The following MTMR14 variants were observed in gnomAD, a reference collection of about 807,000 sequenced individuals.
MTMR14 encodes the protein myotubularin related protein 14.
MTMR14 carries 48 observed loss-of-function variants against 86.3 expected under a neutral mutation model. The ratio of observed to expected loss-of-function variants is 0.56; its 90% CI spans 0.44 to 0.71. The LOEUF (loss-of-function observed/expected upper bound fraction) is 0.71. MTMR14 is among the 30% of genes least tolerant of loss of function. MTMR14 has a pLI of 0.00. For synonymous variants in MTMR14, 366 were observed against 326.1 expected (o/e 1.12, Z -1.32); for missense variants, 780 against 834.6 (o/e 0.93, Z 0.81).
chr3:9,673,149 A>G (rs2125150083), intron 7 of MTMR14, among the ~76,000 whole-genome samples: 1 of 152,370 alleles, frequency 6.6e-6, no homozygotes, highest in East Asian at 1.9e-4. Flanking sequence ...TGTGTGAGCA[A>G]CTACACTTGC....
chr3:9,685,344 G>T lies in MTMR14; in HGVS notation c.1164+97G>T, dbSNP rs1007535219. On this transcript the variant is annotated intron_variant, in intron 13 of 18. Coordinates refer to ENST00000296003, the MANE Select transcript of MTMR14 (RefSeq NM_001077525.3). ...TTCCACGTGTTAGGGGCAGCTCCTTGCCCCAGGTGTGCAGGGATGTGGCCC... is the reference window on the plus strand; with the variant it reads ...TTCCACGTGTTAGGGGCAGCTCCTTTCCCCAGGTGTGCAGGGATGTGGCCC... The T allele has an allele frequency of 4.7e-6, 7 of 1,475,852 alleles. No homozygotes were observed. The African/African-American group carries it at 6.9e-5, about 15-fold the overall frequency. 91.4% of individuals were successfully genotyped at this position (1,475,852 alleles called of 1,614,324 possible). A position where few individuals can be genotyped will look rare whatever the true frequency, so the allele number is the denominator to read the frequency against.
At chr3:9,683,285 T>A in intron 10 of MTMR14, 41 bp downstream of exon 10, 1 of 1,579,134 alleles carries the variant, frequency 6.3e-7, no homozygotes, top group Non-Finnish European at 8.7e-7. Flanking sequence ...CACTGCACCC[T>A]TGGGGAGTTC....
chr3:9,701,647 A>C lies in MTMR14; in HGVS notation c.1770-143A>C. 1.0e-6 allele frequency: 1 copy of C among 986,386 alleles called. No individual in the cohort carries two copies. Among genetic ancestry groups the C allele is most frequent in the Non-Finnish European group, 1.6e-6 (1 of 641,530 alleles). The allele number at this position is 986,386 out of a possible 1,614,324, so 61.1% of individuals were successfully genotyped here. On this transcript the variant is annotated intron_variant, in intron 18 of 18. Coordinates refer to ENST00000296003, the MANE Select transcript of MTMR14 (RefSeq NM_001077525.3). The surrounding 1 kb of genome is among the most constrained non-coding windows in gnomAD (Gnocchi z 4.2). ...CCAGATATTTGGGGCCTGAACCACA[A>C]GGATAGCATGGCCGTAGGACAGACA... is the stretch of plus-strand genomic sequence containing the variant.
Position 9,662,691 on chromosome 3 carries a change from A to G in MTMR14, c.417+316A>G, listed in dbSNP as rs183430676. On this transcript the variant is annotated intron_variant, in intron 3 of 18. Coordinates refer to ENST00000296003, the MANE Select transcript of MTMR14 (RefSeq NM_001077525.3). ...TATAAATTAAGAATAATAATCACCTATTTCAAAGGTTTGTGGATTAGATTA... is the reference window on the plus strand; with the variant it reads ...TATAAATTAAGAATAATAATCACCTGTTTCAAAGGTTTGTGGATTAGATTA... 1.1e-4 allele frequency among the ~76,000 whole-genome samples: 16 copies of G among 152,258 alleles called. No homozygotes were observed. The East Asian group carries it at 3.1e-3, about 29-fold the overall frequency.
chr3:9,660,812 C>T (rs570957663), intron 2 of MTMR14, among the ~76,000 whole-genome samples: 29 of 152,268 alleles, frequency 1.9e-4, no homozygotes, highest in African/African-American at 7.0e-4. Flanking sequence ...AAGGAAGGAA[C>T]ATGAGTATTT....
At chr3:9,652,729 G>A (rs988197203) in intron 1 of MTMR14, among the ~76,000 whole-genome samples, 3 of 151,570 alleles carry the variant, frequency 2.0e-5, no homozygotes, top group Non-Finnish European at 4.4e-5. Context: ...GAAGAGGCCA[G>A]GCATGGTGGC....
intron 3 of MTMR14, among the ~76,000 whole-genome samples, chr3:9,667,389 T>C (rs1169093818): frequency 6.6e-6 from 1 of 152,156 alleles, no homozygotes; most frequent in Non-Finnish European, 1.5e-5. Context: ...TCAGTGGACT[T>C]GAGAGAGTCC....
rs1207206334 is a variant in MTMR14 at position 9,688,743 on chromosome 3, T to G, written c.1283T>G (p.Ile428Ser). 6.2e-7 allele frequency: 1 copy of G among 1,614,012 alleles called. No individual in the cohort carries two copies. The highest frequency in any genetic ancestry group is 1.7e-5 in the Admixed American group (1 of 60,004). The change falls in exon 15 of 19, where the codon ATC becomes AGC. Residue 428 changes from isoleucine (I) to serine (S), a missense_variant. Coordinates refer to ENST00000296003, the MANE Select transcript of MTMR14 (RefSeq NM_001077525.3). ...GATGGAGGCTTCACCCTGGAAGACA[T>G]CTGCATGCTGAGTGAGTCCTGGGCC... is the stretch of plus-strand genomic sequence containing the variant. The part of the protein sequence containing the change: ...ARDGGFTLED[I>S]CMLRRKDRGS...
chr3:9,687,799 G>T (rs781648991), intron 13 of MTMR14, 22 bp from the exon 14 acceptor site: 28 of 1,559,052 alleles, frequency 1.8e-5, no homozygotes, highest in Non-Finnish European at 2.3e-5. Context: ...CTCATTGTGC[G>T]CTGCTCTTTG....
At chr3:9,655,115 T>C (rs2047520056) in intron 2 of MTMR14, among the ~76,000 whole-genome samples, 1 of 152,220 alleles carries the variant, frequency 6.6e-6, no homozygotes, top group East Asian at 1.9e-4. Context: ...TAGTGGCTCA[T>C]GCCTGTAATC....
At chr3:9,680,891 G>A (rs373190011) in intron 9 of MTMR14, among the ~76,000 whole-genome samples, 7 of 152,332 alleles carry the variant, frequency 4.6e-5, no homozygotes, top group Admixed American at 1.3e-4. Flanking sequence ...AGGTTCGCAC[G>A]TGCTGTTTTC....
rs1473022032 is a variant in MTMR14 at position 9,649,730 on chromosome 3, C to T, written c.147C>T (p.Thr49=). The T allele has an allele frequency of 6.8e-6, 11 of 1,613,250 alleles. No individual in the cohort carries two copies. Among genetic ancestry groups the T allele is most frequent in the Non-Finnish European group, 9.3e-6 (11 of 1,179,832 alleles). The change falls in exon 1 of 19, where the codon ACC becomes ACT. Residue 49 remains threonine, a synonymous_variant. Coordinates refer to ENST00000296003, the MANE Select transcript of MTMR14 (RefSeq NM_001077525.3). ...ACCGGGCCAAGGATGGCAGCGGGAC[C>T]GGCGGCTCTAAGGTGAGATTGGAGG... ...TQYRAKDGSG[T]GGSKVERIEK...
chr3:9,660,250 C>T lies in MTMR14; in HGVS notation c.309-2017C>T, dbSNP rs184114010. Among the ~76,000 whole-genome samples, 7 of 150,220 alleles carry T rather than the reference C, an allele frequency of 4.7e-5. No homozygotes were observed. The East Asian group carries it at 7.8e-4, about 17-fold the overall frequency. On this transcript the variant is annotated intron_variant, in intron 2 of 18. Transcript: ENST00000296003. ...TGCCTGGTGGGTTGCTGCCACCCTA[C>T]GGGCACTTTGCTTTTTTTTTTTTCC...
chr3:9,650,411 CT>C (rs778404928), intron 1 of MTMR14: 2 of 455,724 alleles, frequency 4.4e-6, no homozygotes, highest in South Asian at 3.1e-5. Flanking sequence ...CGGTGGGAAT[CT>C]TGCCGACCCT....
At chr3:9,697,991 T>G in intron 18 of MTMR14, 125 bp downstream of exon 18, 1 of 1,352,110 alleles carries the variant, frequency 7.4e-7, no homozygotes, top group South Asian at 1.2e-5. Flanking sequence ...TGCCCTCCCC[T>G]CTCTCAGCTG....
intron 4 of MTMR14, 58 bp from the exon 5 acceptor site, chr3:9,669,374 C>T (rs2048443029): frequency 2.5e-6 from 4 of 1,575,270 alleles, no homozygotes; most frequent in Non-Finnish European, 3.5e-6. Context: ...GTGAGGAGGC[C>T]CCTGTGTGGA....
In MTMR14 at chr3:9,687,878, C is replaced by G; in HGVS notation, c.1222C>G (p.Leu408Val). 6.3e-7 allele frequency: 1 copy of G among 1,588,642 alleles called. No individual in the cohort carries two copies. Among genetic ancestry groups the G allele is most frequent in the Non-Finnish European group, 8.6e-7 (1 of 1,165,216 alleles). Residue 408 changes from leucine to valine, a missense_variant, in exon 14 of 19, where the codon CTG (leucine) becomes GTG (valine). Coordinates refer to ENST00000296003, the MANE Select transcript of MTMR14 (RefSeq NM_001077525.3). ...KHITSEEFSALKTQRRKSLPA... is the reference protein window; with the variant it reads ...KHITSEEFSAVKTQRRKSLPA... ...TATTACCTCCGAGGAGTTCTCTGCT[C>G]TGAAGACCCAGAGGTAAGTGGAGGC...
At chr3:9,684,264 TGTC>T (rs1234164353) in intron 10 of MTMR14, among the ~76,000 whole-genome samples, 3 of 152,108 alleles carry the variant, frequency 2.0e-5, no homozygotes, top group South Asian at 2.1e-4. Flanking sequence ...AAAAAATACT[TGTC>T]GTGCCCTCTG....
In MTMR14 at chr3:9,672,727, C is replaced by G. The variant is rs747380620; in HGVS notation, c.720C>G (p.Ala240=). Residue 240 remains alanine, a synonymous_variant, in exon 7 of 19, where the codon GCC becomes GCG. Coordinates refer to ENST00000296003, the MANE Select transcript of MTMR14 (RefSeq NM_001077525.3). ...AGGTGGACAAAGCCCAGCGCTATGC[C>G]GACTTCACTCTCCTCTCCATCCCGT... The part of the protein sequence containing the change: ...SEKVDKAQRY[A]DFTLLSIPYP... 9 of 1,614,140 alleles carry G rather than the reference C, an allele frequency of 5.6e-6. No individual in the cohort carries two copies. Among genetic ancestry groups the G allele is most frequent in the Non-Finnish European group, 7.6e-6 (9 of 1,180,018 alleles).
Sources: allele counts gnomAD v4.1 joint callset (sites outside exome capture counted in the v4.1 genomes callset), GRCh38; gene constraint gnomAD v4.1.1; non-coding constraint Gnocchi (gnomAD v3.1); transcripts MANE v1.5; gene names NCBI Gene and HGNC (gene_info 2026-07-23, HGNC 2026-07-21).